The following NXN variants were observed in gnomAD, a reference collection of about 807,000 sequenced individuals.
NXN encodes the protein nucleoredoxin 1.
A neutral mutation model predicts 48.6 loss-of-function variants in NXN; 16 were observed. That is an observed-to-expected ratio of 0.33 (90% CI 0.22 to 0.50). NXN has a LOEUF of 0.50. NXN is among the 20% of genes least tolerant of loss of function. NXN has a pLI of 0.98. For missense variants in NXN, 492 were observed against 605.5 expected (o/e 0.81, Z 1.97); for synonymous variants, 281 against 269.6 (o/e 1.04, Z -0.41).
At chr17:972,982 G>T (rs1437695333) in intron 1 of NXN, among the ~76,000 whole-genome samples, 2 of 150,318 alleles carry the variant, frequency 1.3e-5, no homozygotes, top group African/African-American at 4.9e-5. Flanking sequence ...GGTGAGCCCA[G>T]ATCGCTCCAC....
rs2150623520 is a variant in NXN, at chr17:956,295, CA to C, written c.360+23023del. On this transcript the variant is annotated intron_variant, in intron 1 of 7. Coordinates refer to ENST00000336868, the MANE Select transcript of NXN (RefSeq NM_022463.5). The surrounding 1 kb of genome is among the most constrained non-coding windows in gnomAD (Gnocchi z 4.1). ...TCGAACGTGTTAAGTAAGAAGGACA[CA>C]AGGAGGAAAGACAGTTTCTCTGCCC... is the stretch of plus-strand genomic sequence containing the variant. 6.6e-6 allele frequency among the ~76,000 whole-genome samples: 1 copy of C among 152,296 alleles called. No homozygotes were observed. Among genetic ancestry groups the C allele is most frequent in the African/African-American group, 2.4e-5 (1 of 41,584 alleles).
chr17:837,720 G>T (rs1913904985), intron 1 of NXN, among the ~76,000 whole-genome samples: 1 of 152,154 alleles, frequency 6.6e-6, no homozygotes, highest in Admixed American at 6.5e-5. Flanking sequence ...CTCCCCACCT[G>T]CGCATTCTGC....
intron 1 of NXN, chr17:929,842 C>G (rs978993828): frequency 6.6e-6 from 1 of 152,012 alleles, no homozygotes; most frequent in African/African-American, 2.4e-5. Context: ...CCAAAGACAG[C>G]TGATTCCCAT....
chr17:875,543 T>G (rs964846384), intron 1 of NXN, among the ~76,000 whole-genome samples: 1 of 152,106 alleles, frequency 6.6e-6, no homozygotes, highest in Admixed American at 6.5e-5. Flanking sequence ...GAGCAGAAGA[T>G]CGAATCAGAC....
intron 1 of NXN, among the ~76,000 whole-genome samples, chr17:865,155 C>T (rs904626267): frequency 1.3e-5 from 2 of 152,140 alleles, no homozygotes. Context: ...TCAGTGGAAG[C>T]GCATTGGGTG....
At chr17:812,837 AGT>A (rs1390975592) in intron 5 of NXN, among the ~76,000 whole-genome samples, 8 of 131,466 alleles carry the variant, frequency 6.1e-5, no homozygotes, top group Non-Finnish European at 8.0e-5. Context: ...TGCATGTGTG[AGT>A]GTAGGTGTGT....
intron 1 of NXN, among the ~76,000 whole-genome samples, chr17:881,168 C>A (rs529694709): frequency 1.3e-5 from 2 of 152,196 alleles, no homozygotes; most frequent in African/African-American, 2.4e-5. Context: ...AAAAGTAAAA[C>A]ACACCCACAG....
At chr17:801,943 G>A (rs574487765) in intron 7 of NXN, among the ~76,000 whole-genome samples, 84 of 152,310 alleles carry the variant, frequency 5.5e-4, no homozygotes, top group Admixed American at 1.5e-3. Flanking sequence ...AGAAGACAGC[G>A]CTGCTTAAGC....
At chr17:824,955 C>T (rs1322207475) in intron 2 of NXN, among the ~76,000 whole-genome samples, 1 of 152,206 alleles carries the variant, frequency 6.6e-6, no homozygotes, top group Non-Finnish European at 1.5e-5. Flanking sequence ...GGGGACCAGG[C>T]TCTGCGGCTC....
At position 799,692 on chromosome 17, in the gene NXN, G is replaced by C. The variant is rs1911102720; in HGVS notation, c.*1257C>G. On this transcript the variant is annotated 3_prime_UTR_variant, in exon 8 of 8. Coordinates refer to ENST00000336868, the MANE Select transcript of NXN (RefSeq NM_022463.5). ...CAACAACCTACCTGGGCCGATACAA[G>C]GCGACACAAGGCCCACCCGTGGCTG... The C allele has an allele frequency of 6.6e-6, 1 of 152,304 alleles. No individual in the cohort carries two copies. The highest frequency in any genetic ancestry group is 2.1e-4 in the South Asian group (1 of 4,836). 9.4% of individuals were successfully genotyped at this position (152,304 alleles called of 1,614,324 possible).
At chr17:840,579 T>A (rs1382085990) in intron 1 of NXN, among the ~76,000 whole-genome samples, 2 of 152,200 alleles carry the variant, frequency 1.3e-5, no homozygotes, top group Non-Finnish European at 2.9e-5. Flanking sequence ...GACCTCGTGA[T>A]CCGCCCGCCT....
chr17:915,501 T>C (rs2068679705), intron 1 of NXN, among the ~76,000 whole-genome samples: 6 of 151,454 alleles, frequency 4.0e-5, no homozygotes, highest in Non-Finnish European at 7.4e-5. Context: ...CCCAGACTGG[T>C]CTCAAACTCT....
intron 1 of NXN, among the ~76,000 whole-genome samples, chr17:895,851 CATT>C (rs1163264663): frequency 6.8e-6 from 1 of 147,422 alleles, no homozygotes; most frequent in Non-Finnish European, 1.5e-5. Flanking sequence ...TTCCCAACAT[CATT>C]AATTCTTCTC....
intron 5 of NXN, among the ~76,000 whole-genome samples, chr17:807,783 C>T (rs767126518): frequency 4.6e-5 from 7 of 152,382 alleles, no homozygotes; most frequent in Middle Eastern, 3.4e-3. Context: ...CTCCCCTCAG[C>T]TGGTCCTGAC....
intron 1 of NXN, among the ~76,000 whole-genome samples, chr17:921,704 C>A (rs1445244577): frequency 2.8e-5 from 4 of 143,462 alleles, no homozygotes; most frequent in East Asian, 2.1e-4. Flanking sequence ...AACACCTGGC[C>A]GGCCCAGGCT....
At chr17:923,484 C>T (rs1439741555) in intron 1 of NXN, among the ~76,000 whole-genome samples, 1 of 152,166 alleles carries the variant, frequency 6.6e-6, no homozygotes, top group Non-Finnish European at 1.5e-5. Flanking sequence ...CACCACTGCA[C>T]TCCAGCCTGG....
At chr17:806,912 ACACT>A (rs1399393531) in intron 5 of NXN, among the ~76,000 whole-genome samples, 12 of 141,802 alleles carry the variant, frequency 8.5e-5, no homozygotes, top group East Asian at 4.2e-4. Flanking sequence ...GACATCACAC[ACACT>A]CACATACACA....
Position 947,264 on chromosome 17 carries a change from G to A in NXN, c.360+32055C>T, listed in dbSNP as rs148406657. Among the ~76,000 whole-genome samples, 52 of 152,268 alleles carry A rather than the reference G, an allele frequency of 3.4e-4. No individual in the cohort carries two copies. The East Asian group carries it at 9.3e-3, about 27-fold the overall frequency. On this transcript the variant is annotated intron_variant, in intron 1 of 7. Transcript: ENST00000336868. ...TCACAAGCGTGACGGGGACGCGCAG[G>A]TGCTGATGTGAGATGGACTCTGTAT...
intron 1 of NXN, among the ~76,000 whole-genome samples, chr17:877,659 G>A (rs968694399): frequency 6.6e-6 from 1 of 152,168 alleles, no homozygotes; most frequent in African/African-American, 2.4e-5. Flanking sequence ...AGAGGAAATC[G>A]GGGAAGATGC....
Sources: gnomAD v4.1 joint callset for allele counts (sites outside exome capture counted in the v4.1 genomes callset) on GRCh38, gnomAD v4.1.1 for gene constraint, Gnocchi (gnomAD v3.1) non-coding constraint, MANE v1.5 for transcripts, NCBI Gene and HGNC (gene_info 2026-07-23, HGNC 2026-07-21) for gene names.